The following CRCP variants were observed in gnomAD, a reference collection of about 807,000 sequenced individuals.
CRCP encodes DNA-directed RNA polymerase III subunit RPC9.
A neutral mutation model predicts 18.5 loss-of-function variants in CRCP; 18 were observed. The observed-to-expected ratio is 0.97, with a 90% confidence interval of 0.67 to 1.44. CRCP has a LOEUF of 1.44. CRCP is among the 40% of genes most tolerant of loss of function. The pLI, the probability that CRCP is intolerant of heterozygous loss-of-function variation, is 0.00. For synonymous variants in CRCP, 53 were observed against 62.9 expected (o/e 0.84, Z 0.75); for missense variants, 130 against 176.4 (o/e 0.74, Z 1.49).
intron 1 of CRCP, chr7:66,120,865 T>G (rs1345362457): frequency 1.3e-5 from 2 of 152,032 alleles, no homozygotes. Context: ...TTTTAGTATA[T>G]GTGGGGGTCC....
intron 4 of CRCP, among the ~76,000 whole-genome samples, chr7:66,135,815 G>A (rs903924309): frequency 4.6e-5 from 7 of 152,146 alleles, no homozygotes; most frequent in Non-Finnish European, 1.0e-4. Flanking sequence ...CAACTACTAG[G>A]GAGGCTGAGG....
chr7:66,116,203 A>G (rs377576177), intron 1 of CRCP, among the ~76,000 whole-genome samples: 12 of 152,224 alleles, frequency 7.9e-5, no homozygotes, highest in African/African-American at 2.9e-4. Flanking sequence ...TTTTTTATTA[A>G]TATGAATGGG....
At chr7:66,146,307 G>A (rs563366780) in intron 5 of CRCP, among the ~76,000 whole-genome samples, 7 of 152,250 alleles carry the variant, frequency 4.6e-5, no homozygotes, top group South Asian at 4.1e-4. Context: ...AGGGGCCTAC[G>A]ATGGGATAAG....
In CRCP at chr7:66,126,607, A is replaced by G; in HGVS notation, c.9-1097A>G. The G allele has an allele frequency of 7.0e-6, 3 of 426,386 alleles. 1 individual carries two copies. The highest frequency in any genetic ancestry group is 4.7e-6 in the Non-Finnish European group (1 of 212,216). 26.4% of individuals were successfully genotyped at this position (426,386 alleles called of 1,614,324 possible). On this transcript the variant is annotated intron_variant, in intron 1 of 5. Transcript: ENST00000395326. ...TTTTCAGTGAGAATTAACTGGGATA[A>G]TATCTTTTACAAATAATAGCCTTCC... is the stretch of plus-strand genomic sequence containing the variant.
chr7:66,146,254 C>G (rs1302716212), intron 5 of CRCP, among the ~76,000 whole-genome samples: 1 of 152,018 alleles, frequency 6.6e-6, no homozygotes, highest in African/African-American at 2.4e-5. Flanking sequence ...CCGCTTTGTA[C>G]TGAGAGCGTA....
chr7:66,151,448 A>G (rs537564681), intron 5 of CRCP, among the ~76,000 whole-genome samples: 16 of 152,212 alleles, frequency 1.1e-4, no homozygotes, highest in Admixed American at 9.2e-4. Context: ...TCGTGCCTGT[A>G]GTCCCAGCTA....
intron 4 of CRCP, among the ~76,000 whole-genome samples, chr7:66,140,714 CTG>C (rs1426765924): frequency 6.6e-6 from 1 of 152,128 alleles, no homozygotes; most frequent in Non-Finnish European, 1.5e-5. Flanking sequence ...TCACTGTAAT[CTG>C]TGGAGAGAGA....
At chr7:66,130,685 C>G in intron 2 of CRCP, 59 bp from the exon 3 acceptor site, 1 of 1,017,772 alleles carries the variant, frequency 9.8e-7, no homozygotes, top group Non-Finnish European at 1.5e-6. Context: ...AACCACTGAC[C>G]TTGGATAGAT....
At chr7:66,139,387 A>G (rs905284535) in intron 4 of CRCP, among the ~76,000 whole-genome samples, 1 of 152,186 alleles carries the variant, frequency 6.6e-6, no homozygotes, top group African/African-American at 2.4e-5. Context: ...CATTCATTTC[A>G]GGAATGTTTA....
chr7:66,135,156 GTTC>G (rs1201830380), intron 4 of CRCP, among the ~76,000 whole-genome samples: 25 of 152,222 alleles, frequency 1.6e-4, no homozygotes, highest in Non-Finnish European at 1.0e-4. Flanking sequence ...GGGCCACTTG[GTTC>G]TTACAGACGC....
In CRCP at chr7:66,114,864, G is replaced by A. The variant is rs761891545; in HGVS notation, c.-99G>A. 2.5e-5 allele frequency: 40 copies of A among 1,600,124 alleles called. No individual in the cohort carries two copies. In the East Asian group the frequency reaches 8.6e-4, roughly 34 times the overall value. ...GCGATCCCGGCGAGCACCTTGGCGC[G>A]CGGAGCTGGCACCTTGGCGCTGTTG... On this transcript the variant is annotated 5_prime_UTR_variant, in exon 1 of 6. Transcript: ENST00000395326.
chr7:66,123,695 C>T (rs1302936341), intron 1 of CRCP, among the ~76,000 whole-genome samples: 2 of 150,176 alleles, frequency 1.3e-5, no homozygotes, highest in African/African-American at 2.5e-5. Context: ...TTATGGTGAG[C>T]TGAGATCATG....
At chr7:66,134,048 T>C (rs1265924246) in intron 3 of CRCP, among the ~76,000 whole-genome samples, 1 of 151,688 alleles carries the variant, frequency 6.6e-6, no homozygotes, top group Non-Finnish European at 1.5e-5. Flanking sequence ...TTGGTAGAGA[T>C]GGGGTTTCAC....
In CRCP at chr7:66,118,030, A is replaced by G. The variant is rs1257501077; in HGVS notation, c.8+3060A>G. On this transcript the variant is annotated intron_variant, in intron 1 of 5. Transcript: ENST00000395326. ...AGTCTTGCTCTGTCACCCAGGCTGT[A>G]GTACAGTGGCGCAATGTCAGCTCAC... 3.9e-5 allele frequency among the ~76,000 whole-genome samples: 6 copies of G among 152,166 alleles called. No individual in the cohort carries two copies. The South Asian group carries it at 8.3e-4, about 21-fold the overall frequency.
intron 1 of CRCP, chr7:66,126,629 T>G: frequency 2.3e-6 from 1 of 430,764 alleles, no homozygotes; most frequent in Admixed American, 2.6e-5. Flanking sequence ...AATAATAGCC[T>G]TCCATTATGG....
intron 4 of CRCP, among the ~76,000 whole-genome samples, chr7:66,141,601 A>G (rs565697911): frequency 6.6e-6 from 1 of 152,314 alleles, no homozygotes; most frequent in Admixed American, 6.5e-5. Flanking sequence ...GAGTCGGATC[A>G]GGAAAGAATT....
rs755990168 is a variant in CRCP, at chr7:66,152,557, G to A, written c.*200G>A. ...AGAAACATGGTGAAAACAGGCTGAGGTTGTCAGGGCAGAGAGCTGAAGGTG... is the reference window on the plus strand; with the variant it reads ...AGAAACATGGTGAAAACAGGCTGAGATTGTCAGGGCAGAGAGCTGAAGGTG... On this transcript the variant is annotated 3_prime_UTR_variant, in exon 6 of 6. Transcript: ENST00000395326. 18 of 591,858 alleles carry A rather than the reference G, an allele frequency of 3.0e-5. No homozygotes were observed. Among genetic ancestry groups the A allele is most frequent in the Admixed American group, 1.8e-4 (6 of 32,636 alleles). 36.7% of individuals were successfully genotyped at this position (591,858 alleles called of 1,614,324 possible). A position where few individuals can be genotyped will look rare whatever the true frequency, so the allele number is the denominator to read the frequency against.
intron 1 of CRCP, among the ~76,000 whole-genome samples, chr7:66,117,522 CTGT>C (rs1787306063): frequency 6.6e-6 from 1 of 152,166 alleles, no homozygotes; most frequent in Admixed American, 6.6e-5. Context: ...ATCAGTGGTC[CTGT>C]TGTTTCCACC....
chr7:66,117,758 T>G (rs1200470594), intron 1 of CRCP, among the ~76,000 whole-genome samples: 1 of 152,132 alleles, frequency 6.6e-6, no homozygotes, highest in Non-Finnish European at 1.5e-5. Flanking sequence ...AGAGAAAATC[T>G]CCATCTCTTA....
Sources: allele counts gnomAD v4.1 joint callset (sites outside exome capture counted in the v4.1 genomes callset), GRCh38; gene constraint gnomAD v4.1.1; transcripts MANE v1.5; gene names NCBI Gene and HGNC (gene_info 2026-07-23, HGNC 2026-07-21).